PDE3A: variants seen among roughly 807,000 people sequenced by gnomAD.
PDE3A encodes phosphodiesterase 3A, also known as cGMP-inhibited 3',5'-cyclic phosphodiesterase 3A.
PDE3A carries 43 observed loss-of-function variants against 98.3 expected under a neutral mutation model. The ratio of observed to expected loss-of-function variants is 0.44; its 90% CI spans 0.34 to 0.56. PDE3A has a LOEUF of 0.56. PDE3A is among the 20% of genes least tolerant of loss of function. The probability of loss-of-function intolerance (pLI) is 0.01; values close to 1 mark genes in which losing one functional copy is unlikely to be tolerated. For missense variants in PDE3A, 1,427 were observed against 1,440.7 expected (o/e 0.99, Z 0.15); for synonymous variants, 663 against 567.9 (o/e 1.17, Z -2.38).
chr12:20,537,630 T>G (rs1219367953), intron 1 of PDE3A, among the ~76,000 whole-genome samples: 3 of 152,102 alleles, frequency 2.0e-5, no homozygotes, highest in African/African-American at 7.2e-5. Context: ...GAGATGTTGT[T>G]TGCTTTATTT....
At chr12:20,617,895 C>G (rs1388468928) in intron 4 of PDE3A, among the ~76,000 whole-genome samples, 1 of 152,060 alleles carries the variant, frequency 6.6e-6, no homozygotes, top group Non-Finnish European at 1.5e-5. Flanking sequence ...GAAGGAAGTT[C>G]CAAGGACTTT....
chr12:20,423,269 T>C (rs1216266779), intron 1 of PDE3A, among the ~76,000 whole-genome samples: 2 of 152,364 alleles, frequency 1.3e-5, no homozygotes, highest in East Asian at 3.9e-4. Context: ...GGCAATTAGA[T>C]ATTGTGTGTG....
intron 1 of PDE3A, among the ~76,000 whole-genome samples, chr12:20,393,016 C>G (rs1203325291): frequency 6.6e-6 from 1 of 151,702 alleles, no homozygotes; most frequent in Non-Finnish European, 1.5e-5. Context: ...TTAATGGATA[C>G]AAACATACAA....
At chr12:20,537,905 A>G (rs535858984) in intron 1 of PDE3A, among the ~76,000 whole-genome samples, 2 of 151,780 alleles carry the variant, frequency 1.3e-5, no homozygotes, top group South Asian at 4.2e-4. Flanking sequence ...AGTCAGATCT[A>G]TGACAACAAA....
chr12:20,462,284 AG>A (rs1945264770), intron 1 of PDE3A, among the ~76,000 whole-genome samples: 1 of 152,184 alleles, frequency 6.6e-6, no homozygotes, highest in African/African-American at 2.4e-5. Flanking sequence ...TGAGGTCAGG[AG>A]TTCGAGACCA....
intron 2 of PDE3A, among the ~76,000 whole-genome samples, chr12:20,607,301 G>T (rs1217982390): frequency 6.6e-6 from 1 of 151,888 alleles, no homozygotes; most frequent in African/African-American, 2.4e-5. Flanking sequence ...ATTAGGCATG[G>T]TGGTGTGAGT....
chr12:20,578,144 C>G (rs1942978267), intron 2 of PDE3A, among the ~76,000 whole-genome samples: 1 of 152,026 alleles, frequency 6.6e-6, no homozygotes. Context: ...CAAAAGAGTA[C>G]AAGGCAGGAG....
At chr12:20,425,479 G>GC (rs1248957043) in intron 1 of PDE3A, among the ~76,000 whole-genome samples, 1 of 152,058 alleles carries the variant, frequency 6.6e-6, no homozygotes, top group Non-Finnish European at 1.5e-5. Flanking sequence ...ATTTATGTAT[G>GC]CATTTTTGTA....
chr12:20,466,716 T>C (rs1945345296), intron 1 of PDE3A, among the ~76,000 whole-genome samples: 1 of 152,236 alleles, frequency 6.6e-6, no homozygotes, highest in African/African-American at 2.4e-5. Flanking sequence ...AATCACTTAA[T>C]CTATTAATAA....
At position 20,687,878 on chromosome 12, in the gene PDE3A, G is replaced by A. The variant is rs1475971396; in HGVS notation, c.*7607G>A. On this transcript the variant is annotated 3_prime_UTR_variant, in exon 16 of 16. Coordinates refer to ENST00000359062, the MANE Select transcript of PDE3A (RefSeq NM_000921.5). ...TTAAAATGTGCTCTGATTTCTGCGG[G>A]CATTTGTTCTGACCAGTCATTACCT... 8.0e-6 allele frequency among the ~76,000 whole-genome samples: 1 copy of A among 124,752 alleles called. No homozygotes were observed. Among genetic ancestry groups the A allele is most frequent in the Admixed American group, 9.3e-5 (1 of 10,720 alleles). The allele number at this position is 124,752 out of a possible 152,430, so 81.8% of individuals were successfully genotyped here.
At chr12:20,543,925 G>T (rs1350810808) in intron 1 of PDE3A, among the ~76,000 whole-genome samples, 1 of 151,844 alleles carries the variant, frequency 6.6e-6, no homozygotes, top group African/African-American at 2.4e-5. Context: ...AAGTCATGGA[G>T]ACATGAAACT....
Position 20,639,929 on chromosome 12 carries a change from T to C in PDE3A, c.2223T>C (p.Ala741=). The C allele has an allele frequency of 6.7e-7, 1 of 1,499,950 alleles. No homozygotes were observed. The highest frequency in any genetic ancestry group is 9.3e-7 in the Non-Finnish European group (1 of 1,076,956). The allele number at this position is 1,499,950 out of a possible 1,614,324, so 92.9% of individuals were successfully genotyped here. A position where few individuals can be genotyped will look rare whatever the true frequency, so the allele number is the denominator to read the frequency against. Residue 741 remains alanine (A), a synonymous_variant, in exon 10 of 16, where the codon GCT becomes GCC. Transcript: ENST00000359062. ...PIREFMNYFH[A]LEIGYRDIPY... Reference sequence around the variant, plus strand: ...GGGAATTTATGAATTATTTTCATGCTTTGGAGATTGGATATAGGGATATTC... The same window carrying C: ...GGGAATTTATGAATTATTTTCATGCCTTGGAGATTGGATATAGGGATATTC...
chr12:20,398,549 C>CA (rs1241115135), intron 1 of PDE3A, among the ~76,000 whole-genome samples: 1 of 151,748 alleles, frequency 6.6e-6, no homozygotes, highest in Non-Finnish European at 1.5e-5. Flanking sequence ...ATTTTTTTAG[C>CA]CTTGGTTTCT....
At chr12:20,443,038 G>A (rs1051641264) in intron 1 of PDE3A, among the ~76,000 whole-genome samples, 4 of 151,780 alleles carry the variant, frequency 2.6e-5, no homozygotes, top group African/African-American at 9.7e-5. Context: ...GAGTTTGAAT[G>A]AGTCAAAATT....
At chr12:20,578,973 C>T (rs1027723679) in intron 2 of PDE3A, among the ~76,000 whole-genome samples, 1 of 152,064 alleles carries the variant, frequency 6.6e-6, no homozygotes, top group Non-Finnish European at 1.5e-5. Flanking sequence ...GTTTTGTATG[C>T]TAATAACTAC....
chr12:20,520,449 G>A (rs149222407), intron 1 of PDE3A, among the ~76,000 whole-genome samples: 2 of 152,216 alleles, frequency 1.3e-5, no homozygotes, highest in Non-Finnish European at 2.9e-5. Context: ...ATCCTGGTGC[G>A]TGCTGGCTAT....
At chr12:20,499,777 T>C (rs1023639729) in intron 1 of PDE3A, among the ~76,000 whole-genome samples, 1 of 152,198 alleles carries the variant, frequency 6.6e-6, no homozygotes, top group Non-Finnish European at 1.5e-5. Flanking sequence ...AACCTGCATA[T>C]ATTTTCTCAG....
chr12:20,441,733 A>T (rs1158962487), intron 1 of PDE3A, among the ~76,000 whole-genome samples: 1 of 152,188 alleles, frequency 6.6e-6, no homozygotes, highest in East Asian at 1.9e-4. Flanking sequence ...GTTTTTGAGC[A>T]GAGTGAGCAA....
At chr12:20,646,350 T>C (rs1944776176) in intron 10 of PDE3A, 140 bp from the exon 11 acceptor site, 1 of 603,770 alleles carries the variant, frequency 1.7e-6, no homozygotes, top group African/African-American at 1.8e-5. Context: ...AATCAAATAA[T>C]ATTTGTCCTA....
Sources: gnomAD v4.1 joint callset for allele counts (sites outside exome capture counted in the v4.1 genomes callset) on GRCh38, gnomAD v4.1.1 for gene constraint, MANE v1.5 for transcripts, NCBI Gene and HGNC (gene_info 2026-07-23, HGNC 2026-07-21) for gene names.